PEAK1: variants seen among roughly 807,000 people sequenced by gnomAD.
The protein encoded by PEAK1 is inactive tyrosine-protein kinase PEAK1.
PEAK1 carries 54 observed loss-of-function variants against 124.7 expected under a neutral mutation model. The ratio of observed to expected loss-of-function variants is 0.43; its 90% CI spans 0.35 to 0.54. PEAK1 has a LOEUF of 0.54. PEAK1 is among the 20% of genes least tolerant of loss of function. The probability of loss-of-function intolerance (pLI) is 0.01; values close to 1 mark genes in which losing one functional copy is unlikely to be tolerated. For synonymous variants in PEAK1, 719 were observed against 760.0 expected, an observed-to-expected ratio of 0.95 and a Z score of 0.89; for missense variants, 2,046 against 2,134.5, an observed-to-expected ratio of 0.96 and a Z score of 0.82.
chr15:77,214,765 CCAG>C (rs1371458876), intron 6 of PEAK1, among the ~76,000 whole-genome samples: 1 of 151,982 alleles, frequency 6.6e-6, no homozygotes, highest in Non-Finnish European at 1.5e-5. Flanking sequence ...ATTCATATGG[CCAG>C]CAGGAGAGAG....
chr15:77,250,169 ATATATG>A (rs1244482359), intron 6 of PEAK1, among the ~76,000 whole-genome samples: 5 of 139,394 alleles, frequency 3.6e-5, no homozygotes, highest in South Asian at 4.4e-4. Flanking sequence ...ATATATACAT[ATATATG>A]TATATGTATA....
At chr15:77,418,453 C>G in intron 1 of PEAK1, 3 of 985,354 alleles carry the variant, frequency 3.0e-6, no homozygotes, top group Non-Finnish European at 3.6e-6. Context: ...TGTTTTTTCA[C>G]ATAGTTTGTG....
At chr15:77,148,660 T>A (rs2152765247) in intron 8 of PEAK1, among the ~76,000 whole-genome samples, 1 of 152,238 alleles carries the variant, frequency 6.6e-6, no homozygotes, top group Middle Eastern at 3.4e-3. Context: ...CTCACCCTTG[T>A]AATCCCAGTG....
intron 2 of PEAK1, among the ~76,000 whole-genome samples, chr15:77,317,521 T>C (rs114741053): frequency 0.011 from 1,698 of 152,282 alleles, 40 homozygotes; most frequent in African/African-American, 0.039. Flanking sequence ...ATCCTGACAA[T>C]TACCTTATCA....
At chr15:77,187,524 G>C (rs1029367460) in intron 6 of PEAK1, among the ~76,000 whole-genome samples, 5 of 152,196 alleles carry the variant, frequency 3.3e-5, no homozygotes, top group African/African-American at 1.2e-4. Flanking sequence ...CCTCAAGCTG[G>C]ATTCAATTTC....
chr15:77,162,981 ATGG>A (rs2055792891), intron 7 of PEAK1, among the ~76,000 whole-genome samples: 1 of 152,174 alleles, frequency 6.6e-6, no homozygotes, highest in Non-Finnish European at 1.5e-5. Context: ...TAAGTGACAA[ATGG>A]CCCACTAAGA....
intron 2 of PEAK1, among the ~76,000 whole-genome samples, chr15:77,353,311 C>A (rs559239063): frequency 6.6e-5 from 10 of 152,146 alleles, no homozygotes; most frequent in Non-Finnish European, 1.3e-4. Context: ...TCGAGAAAAG[C>A]CATGCAGGTT....
rs1012472270 is a variant in PEAK1, at chr15:77,322,423, G to A, written c.-602-35919C>T. On this transcript the variant is annotated intron_variant, in intron 2 of 9. Transcript: ENST00000682557. ...GAAAAGAGAGAAGAATCAAATAGACGCAATAAAAAATGATAAAGGGGATAT... is the reference window on the plus strand; with the variant it reads ...GAAAAGAGAGAAGAATCAAATAGACACAATAAAAAATGATAAAGGGGATAT... Among the ~76,000 whole-genome samples, 118 of 151,950 alleles carry A rather than the reference G, an allele frequency of 7.8e-4. 1 individual carries two copies. The highest frequency in any genetic ancestry group is 9.4e-4 in the Non-Finnish European group (64 of 67,940).
chr15:77,258,761 T>C (rs981612217), intron 5 of PEAK1, among the ~76,000 whole-genome samples: 2 of 152,170 alleles, frequency 1.3e-5, no homozygotes, highest in African/African-American at 4.8e-5. Flanking sequence ...TCCAACACTA[T>C]GTTGAATAGG....
Position 77,286,439 on chromosome 15 carries a change from C to G in PEAK1, c.-537G>C, listed in dbSNP as rs1258543125. ...AGTACAAACCTGGTTTAATTGGCTC[C>G]AACTCTGGGCATTATGTTGTTGCTT... is the stretch of plus-strand genomic sequence containing the variant. On this transcript the variant is annotated 5_prime_UTR_variant, in exon 3 of 10. Coordinates refer to ENST00000682557, the MANE Select transcript of PEAK1 (RefSeq NM_001385026.1). 1 of 1,226,644 alleles carries G rather than the reference C, an allele frequency of 8.2e-7. No homozygotes were observed. The highest frequency in any genetic ancestry group is 1.0e-6 in the Non-Finnish European group (1 of 983,718). The allele number at this position is 1,226,644 out of a possible 1,614,324, so 76.0% of individuals were successfully genotyped here. A position where few individuals can be genotyped will look rare whatever the true frequency, so the allele number is the denominator to read the frequency against.
chr15:77,356,936 T>C (rs2067555879), intron 2 of PEAK1, among the ~76,000 whole-genome samples: 1 of 152,164 alleles, frequency 6.6e-6, no homozygotes, highest in Non-Finnish European at 1.5e-5. Context: ...GATCTACATA[T>C]ATGGAAAAAT....
Position 77,221,328 on chromosome 15 carries a change from T to C in PEAK1, c.-115+31039A>G, listed in dbSNP as rs145308071. Among the ~76,000 whole-genome samples, 66 of 152,246 alleles carry C rather than the reference T, an allele frequency of 4.3e-4. 2 individuals carry two copies. In the East Asian group the frequency reaches 0.013, roughly 29 times the overall value. On this transcript the variant is annotated intron_variant, in intron 6 of 9. Transcript: ENST00000682557. ...GTAGACCAACACTAAAGTAAGACTA[T>C]GGATGTCCTAGGCAAGATTTCTTCT...
At chr15:77,371,506 C>T (rs2068638193) in intron 1 of PEAK1, 1 of 904,288 alleles carries the variant, frequency 1.1e-6, no homozygotes, top group African/African-American at 2.1e-5. Context: ...ACACTACACA[C>T]ATACCACCAC....
chr15:77,260,712 C>A (rs2061394509), intron 5 of PEAK1, among the ~76,000 whole-genome samples: 1 of 152,176 alleles, frequency 6.6e-6, no homozygotes. Context: ...CTACAGCTCC[C>A]AGCGTGAGCG....
At chr15:77,322,398 G>T (rs1034610199) in intron 2 of PEAK1, among the ~76,000 whole-genome samples, 4 of 151,942 alleles carry the variant, frequency 2.6e-5, no homozygotes, top group African/African-American at 9.7e-5. Flanking sequence ...TAATAAAGAA[G>T]AAAAGAGAGA....
intron 8 of PEAK1, among the ~76,000 whole-genome samples, chr15:77,150,894 T>G (rs2054566583): frequency 6.6e-6 from 1 of 152,218 alleles, no homozygotes; most frequent in Non-Finnish European, 1.5e-5. Flanking sequence ...TGCCACATTT[T>G]CTTAATCCAA....
chr15:77,272,788 C>T (rs1434376747), intron 5 of PEAK1, among the ~76,000 whole-genome samples: 1 of 152,032 alleles, frequency 6.6e-6, no homozygotes, highest in Non-Finnish European at 1.5e-5. Context: ...AATACCAAAA[C>T]CAGAAAAGGA....
chr15:77,114,676 T>G lies in PEAK1; in HGVS notation c.4721A>C (p.Gln1574Pro). The change falls in exon 10 of 10, where the codon CAG becomes CCG. Residue 1574 changes from glutamine to proline, a missense_variant. Physicochemically the swap from Gln to Pro is moderately conservative, Grantham distance 76. Transcript: ENST00000682557. ...HLVDPEILRDQSRLAPEIITA... is the reference protein window; with the variant it reads ...HLVDPEILRDPSRLAPEIITA... ...TATGATCTCTGGGGCAAGGCGAGAC[T>G]GGTCCCGGAGGATCTCGGGGTCCAC... 2.5e-6 allele frequency: 4 copies of G among 1,613,758 alleles called. No homozygotes were observed. Among genetic ancestry groups the G allele is most frequent in the Non-Finnish European group, 3.4e-6 (4 of 1,179,942 alleles).
chr15:77,407,255 C>T (rs542779170), intron 1 of PEAK1, among the ~76,000 whole-genome samples: 2 of 152,154 alleles, frequency 1.3e-5, no homozygotes, highest in Non-Finnish European at 2.9e-5. Flanking sequence ...GCAACAAAAA[C>T]AAAGATAAAT....
Sources: allele counts gnomAD v4.1 joint callset (sites outside exome capture counted in the v4.1 genomes callset), GRCh38; gene constraint gnomAD v4.1.1; transcripts MANE v1.5; gene names NCBI Gene and HGNC (gene_info 2026-07-23, HGNC 2026-07-21).